The following ARB2A variants were observed in gnomAD, a reference collection of about 807,000 sequenced individuals.
ARB2A encodes the protein cotranscriptional regulator ARB2A.
the ARB2A span, among the ~76,000 whole-genome samples, chr5:93,864,984 TTGAAA>T: frequency 6.6e-6 from 1 of 152,214 alleles, no homozygotes; most frequent in Non-Finnish European, 1.5e-5. Flanking sequence ...TACTCAGCTA[TTGAAA>T]TGAAATGTGA....
At chr5:93,817,087 A>AACAC in the ARB2A span, among the ~76,000 whole-genome samples, 4,391 of 144,318 alleles carry the variant, frequency 0.03, 174 homozygotes, top group African/African-American at 0.11. Flanking sequence ...AATACACACA[A>AACAC]ACACACACAC....
chr5:93,838,243 TA>T, the ARB2A span, among the ~76,000 whole-genome samples: 1 of 152,236 alleles, frequency 6.6e-6, no homozygotes, highest in Non-Finnish European at 1.5e-5. Context: ...CAGCACCATT[TA>T]TTGAATAGGT....
At chr5:94,012,624 T>C in the ARB2A span, among the ~76,000 whole-genome samples, 1 of 152,124 alleles carries the variant, frequency 6.6e-6, no homozygotes, top group African/African-American at 2.4e-5. Context: ...GCCAGGTACA[T>C]CAGGGAGCGA....
the ARB2A span, among the ~76,000 whole-genome samples, chr5:93,962,080 C>T: frequency 1.8e-4 from 28 of 152,192 alleles, no homozygotes; most frequent in African/African-American, 6.0e-4. Context: ...TACGGCTGTT[C>T]CAAGGCCATT....
At chr5:93,714,720 C>G in the ARB2A span, among the ~76,000 whole-genome samples, 1 of 152,144 alleles carries the variant, frequency 6.6e-6, no homozygotes, top group Non-Finnish European at 1.5e-5. Flanking sequence ...TGAGACCCAC[C>G]AATAAGGGCT....
the ARB2A span, chr5:93,683,564 C>A: frequency 6.9e-7 from 1 of 1,451,694 alleles, no homozygotes; most frequent in South Asian, 1.1e-5. Flanking sequence ...ATCCTTTGCA[C>A]CAGCCCTAAA....
the ARB2A span, among the ~76,000 whole-genome samples, chr5:93,994,922 T>C: frequency 6.6e-6 from 1 of 150,806 alleles, no homozygotes. Flanking sequence ...AATAAATAAA[T>C]AAATAAATAA....
the ARB2A span, among the ~76,000 whole-genome samples, chr5:93,724,359 G>C: frequency 6.6e-6 from 1 of 151,858 alleles, no homozygotes; most frequent in African/African-American, 2.4e-5. Context: ...AACTCTTTGG[G>C]GGAAACAAAG....
chr5:93,676,230 G>GA, the ARB2A span, among the ~76,000 whole-genome samples: 35 of 148,596 alleles, frequency 2.4e-4, no homozygotes, highest in African/African-American at 6.6e-4. Context: ...CAAGTATCAA[G>GA]AAAAAAAAAA....
chr5:93,738,090 C>T, the ARB2A span: 2 of 239,554 alleles, frequency 8.3e-6, no homozygotes, highest in African/African-American at 2.3e-5. Flanking sequence ...GCTTAATATC[C>T]AGACTCTATG....
the ARB2A span, among the ~76,000 whole-genome samples, chr5:93,666,458 G>A: frequency 6.6e-6 from 1 of 150,556 alleles, no homozygotes; most frequent in Non-Finnish European, 1.5e-5. Flanking sequence ...TGGTACTTAG[G>A]TCAACTTTTA....
chr5:94,087,075 T>C, the ARB2A span, among the ~76,000 whole-genome samples: 1 of 152,170 alleles, frequency 6.6e-6, no homozygotes, highest in Non-Finnish European at 1.5e-5. Flanking sequence ...TTGATGATCC[T>C]GACCCTGGGT....
At chr5:94,075,591 A>G in the ARB2A span, among the ~76,000 whole-genome samples, 1 of 152,162 alleles carries the variant, frequency 6.6e-6, no homozygotes, top group Non-Finnish European at 1.5e-5. Flanking sequence ...CAAAACTGTT[A>G]ATGAAATTAT....
the ARB2A span, among the ~76,000 whole-genome samples, chr5:93,679,346 C>T: frequency 6.6e-6 from 1 of 151,872 alleles, no homozygotes; most frequent in Non-Finnish European, 1.5e-5. Flanking sequence ...GTAAATTACA[C>T]ATAATTTTAA....
At chr5:93,622,839 A>G in the ARB2A span, among the ~76,000 whole-genome samples, 2 of 152,056 alleles carry the variant, frequency 1.3e-5, no homozygotes, top group Non-Finnish European at 2.9e-5. Flanking sequence ...AATTCTTCAT[A>G]GAATTCTTGG....
At chr5:93,997,420 C>T in the ARB2A span, among the ~76,000 whole-genome samples, 9 of 152,044 alleles carry the variant, frequency 5.9e-5, no homozygotes, top group East Asian at 1.7e-3. Context: ...TCTCAGTATA[C>T]CCTCAACTAG....
the ARB2A span, among the ~76,000 whole-genome samples, chr5:93,678,138 C>T: frequency 6.6e-6 from 1 of 152,178 alleles, no homozygotes; most frequent in African/African-American, 2.4e-5. Flanking sequence ...TAATATGGCA[C>T]CAAATCCCAG....
the ARB2A span, among the ~76,000 whole-genome samples, chr5:93,868,127 C>G: frequency 7.9e-4 from 121 of 152,220 alleles, no homozygotes; most frequent in Non-Finnish European, 1.5e-3. Context: ...TGAGGCCAGC[C>G]TGGGGAATAG....
chr5:93,965,837 T>G, the ARB2A span, among the ~76,000 whole-genome samples: 13 of 152,070 alleles, frequency 8.5e-5, no homozygotes, highest in Non-Finnish European at 1.8e-4. Flanking sequence ...CCTGCTTTCT[T>G]CAAGGAGTCC....
Sources: allele counts gnomAD v4.1 joint callset (sites outside exome capture counted in the v4.1 genomes callset), GRCh38; gene constraint gnomAD v4.1.1; transcripts MANE v1.5; gene names NCBI Gene and HGNC (gene_info 2026-07-23, HGNC 2026-07-21).